FERMT2: variants seen among roughly 807,000 people sequenced by gnomAD.
FERMT2 encodes the protein FERM domain containing kindlin 2.
Under a neutral mutation model 82.7 loss-of-function variants are expected in FERMT2, and 15 were observed. The observed-to-expected ratio is 0.18, with a 90% CI of 0.12 to 0.28. The LOEUF (loss-of-function observed/expected upper bound fraction) is 0.28. Ranked by LOEUF, FERMT2 falls within the 10% of genes least tolerant of loss-of-function variation. FERMT2 has a pLI of 1.00. For missense variants in FERMT2, 645 were observed against 809.4 expected, an observed-to-expected ratio of 0.80 and a Z score of 2.46; for synonymous variants, 274 against 271.5, an observed-to-expected ratio of 1.01 and a Z score of -0.09.
At chr14:52,882,815 A>C (rs1356641882) in intron 4 of FERMT2, among the ~76,000 whole-genome samples, 1 of 151,946 alleles carries the variant, frequency 6.6e-6, no homozygotes, top group Admixed American at 6.6e-5. Context: ...AAAAGTTTTT[A>C]CTGAAAATAT....
rs866945725 is a variant in FERMT2, at chr14:52,947,917, T to A, written c.157+2495A>T. 2.0e-5 allele frequency among the ~76,000 whole-genome samples: 3 copies of A among 152,356 alleles called. No homozygotes were observed. In the South Asian group the frequency reaches 6.2e-4, roughly 32 times the overall value. On this transcript the variant is annotated intron_variant, in intron 2 of 14. Transcript: ENST00000341590. ...ATAATTGCTGCTACTGAACATTATC[T>A]GGGAAAATCACCTTAAAATATAATG...
rs1890338880 is a variant in FERMT2 at position 52,946,035 on chromosome 14, C to G, written c.157+4377G>C. On this transcript the variant is annotated intron_variant, in intron 2 of 14. Coordinates refer to ENST00000341590, the MANE Select transcript of FERMT2 (RefSeq NM_006832.3). ...GGGACTACAGGTGCCCATCACCATA[C>G]CCGGCTAATTTTTGCATTTTTAGTA... Among the ~76,000 whole-genome samples, 3 of 152,000 alleles carry G rather than the reference C, an allele frequency of 2.0e-5. No individual in the cohort carries two copies. The South Asian group carries it at 6.2e-4, about 32-fold the overall frequency.
chr14:52,884,514 G>C (rs1480926764), intron 4 of FERMT2, among the ~76,000 whole-genome samples: 1 of 151,902 alleles, frequency 6.6e-6, no homozygotes, highest in African/African-American at 2.4e-5. Context: ...TGAGGCAGGA[G>C]AATCACTTGA....
intron 2 of FERMT2, among the ~76,000 whole-genome samples, chr14:52,938,190 G>A (rs917163299): frequency 3.3e-5 from 5 of 152,124 alleles, no homozygotes; most frequent in Admixed American, 3.3e-4. Context: ...ATTTACAAAG[G>A]CAAGAAAATC....
chr14:52,922,205 A>T (rs560284266), intron 2 of FERMT2, among the ~76,000 whole-genome samples: 1 of 152,294 alleles, frequency 6.6e-6, no homozygotes, highest in East Asian at 1.9e-4. Context: ...CATGCCTCAG[A>T]ACTCTCCCAC....
At chr14:52,878,434 T>G (rs537145668) in intron 7 of FERMT2, 148 bp downstream of exon 7, 1 of 573,584 alleles carries the variant, frequency 1.7e-6, no homozygotes, top group African/African-American at 1.9e-5. Context: ...ATGTATTTGT[T>G]TTGCTTTCCT....
intron 12 of FERMT2, chr14:52,861,332 A>C (rs1014751125): frequency 2.8e-6 from 1 of 355,980 alleles, no homozygotes; most frequent in Non-Finnish European, 5.0e-6. Context: ...GGGAGAAGAT[A>C]AAAAGAGCAA....
chr14:52,934,698 C>T (rs1261421655), intron 2 of FERMT2, among the ~76,000 whole-genome samples: 1 of 152,196 alleles, frequency 6.6e-6, no homozygotes, highest in Non-Finnish European at 1.5e-5. Flanking sequence ...GTGAAAGCAT[C>T]CACATTTCCA....
chr14:52,896,939 T>A (rs1210379568), intron 3 of FERMT2, among the ~76,000 whole-genome samples: 7 of 151,218 alleles, frequency 4.6e-5, no homozygotes, highest in Admixed American at 1.3e-4. Context: ...CAGTGAGCCG[T>A]GACTGGGCCA....
intron 2 of FERMT2, among the ~76,000 whole-genome samples, chr14:52,938,399 A>T (rs1205251575): frequency 6.6e-6 from 1 of 152,208 alleles, no homozygotes; most frequent in Non-Finnish European, 1.5e-5. Context: ...AATTATCAAG[A>T]ATTGTTAATC....
chr14:52,917,774 A>C (rs907071356), intron 3 of FERMT2, among the ~76,000 whole-genome samples: 31 of 152,244 alleles, frequency 2.0e-4, no homozygotes, highest in Admixed American at 1.4e-3. Flanking sequence ...GGGAAGCCAC[A>C]GCCCAAACTA....
At chr14:52,917,592 T>A (rs765137153) in intron 3 of FERMT2, among the ~76,000 whole-genome samples, 5 of 152,194 alleles carry the variant, frequency 3.3e-5, no homozygotes, top group Non-Finnish European at 7.3e-5. Context: ...AATCTACCTG[T>A]ATCTCCCCTC....
intron 3 of FERMT2, among the ~76,000 whole-genome samples, chr14:52,917,704 C>T (rs974099136): frequency 1.3e-5 from 2 of 152,072 alleles, no homozygotes; most frequent in Non-Finnish European, 2.9e-5. Context: ...CAGGAAACTA[C>T]AGTAAGAGGG....
At chr14:52,931,502 A>T (rs1889566779) in intron 2 of FERMT2, among the ~76,000 whole-genome samples, 1 of 152,202 alleles carries the variant, frequency 6.6e-6, no homozygotes, top group Non-Finnish European at 1.5e-5. Flanking sequence ...GCAGGGCCTG[A>T]CATAAGGCAG....
intron 3 of FERMT2, among the ~76,000 whole-genome samples, chr14:52,899,292 A>AT (rs35957407): frequency 0.061 from 9,042 of 149,002 alleles, 807 homozygotes; most frequent in African/African-American, 0.19. Flanking sequence ...TTATTTATTT[A>AT]TTTTTTTTGA....
At chr14:52,950,351 C>G (rs955418100) in intron 2 of FERMT2, 61 bp downstream of exon 2, 27 of 1,556,580 alleles carry the variant, frequency 1.7e-5, no homozygotes, top group African/African-American at 2.7e-5. Context: ...TCGTGAGCCT[C>G]TTTCCTCCCC....
At chr14:52,871,280 C>T (rs1467374006) in intron 10 of FERMT2, among the ~76,000 whole-genome samples, 1 of 152,268 alleles carries the variant, frequency 6.6e-6, no homozygotes, top group Non-Finnish European at 1.5e-5. Context: ...AGTCTTTGCT[C>T]TTCTAAGGGA....
intron 10 of FERMT2, among the ~76,000 whole-genome samples, chr14:52,867,018 C>T (rs765515448): frequency 6.6e-5 from 10 of 152,066 alleles, no homozygotes; most frequent in Non-Finnish European, 1.5e-4. Flanking sequence ...TCCCATCTTA[C>T]ACCACAACCT....
intron 10 of FERMT2, among the ~76,000 whole-genome samples, chr14:52,869,397 CTG>C (rs1308058870): frequency 1.3e-5 from 2 of 152,200 alleles, no homozygotes; most frequent in African/African-American, 2.4e-5. Context: ...GATTTCAACA[CTG>C]TGTTGAAATA....
Sources: allele counts gnomAD v4.1 joint callset (sites outside exome capture counted in the v4.1 genomes callset), GRCh38; gene constraint gnomAD v4.1.1; transcripts MANE v1.5; gene names NCBI Gene and HGNC (gene_info 2026-07-23, HGNC 2026-07-21).